The following MCU variants were observed in gnomAD, a reference collection of about 807,000 sequenced individuals.
The protein encoded by MCU is calcium uniporter protein, mitochondrial.
In MCU, 12 loss-of-function variants were observed where a neutral mutation model predicts 45.2. That is an observed-to-expected ratio of 0.27 (90% CI 0.17 to 0.43). The LOEUF is 0.43. Ranked by LOEUF, MCU falls within the 20% of genes least tolerant of loss-of-function variation. The pLI is 1.00. For missense variants in MCU, 324 were observed against 436.7 expected (o/e 0.74, Z 2.30); for synonymous variants, 160 against 165.1 (o/e 0.97, Z 0.24).
At chr10:72,751,878 C>T (rs575772617) in intron 1 of MCU, among the ~76,000 whole-genome samples, 7 of 150,994 alleles carry the variant, frequency 4.6e-5, no homozygotes, top group Admixed American at 1.3e-4. Context: ...CTGGCTCTGT[C>T]GCCCAGGCTG....
intron 1 of MCU, among the ~76,000 whole-genome samples, chr10:72,739,722 G>C (rs1843299949): frequency 6.6e-6 from 1 of 151,032 alleles, no homozygotes; most frequent in Non-Finnish European, 1.5e-5. Context: ...TTGAGACCAG[G>C]CTGGCATTCA....
intron 4 of MCU, 130 bp from the exon 5 acceptor site, chr10:72,868,573 C>T: frequency 1.4e-6 from 1 of 691,332 alleles, no homozygotes; most frequent in Non-Finnish European, 2.3e-6. Context: ...AAAAAGAGAG[C>T]TATTACTTTC....
At chr10:72,753,028 C>G (rs1039743160) in intron 1 of MCU, among the ~76,000 whole-genome samples, 6 of 152,094 alleles carry the variant, frequency 3.9e-5, no homozygotes, top group African/African-American at 1.4e-4. Context: ...TTGAGAGGCC[C>G]TAATTTAAAG....
intron 1 of MCU, among the ~76,000 whole-genome samples, chr10:72,732,400 T>C (rs551492653): frequency 6.6e-6 from 1 of 152,334 alleles, no homozygotes; most frequent in African/African-American, 2.4e-5. Context: ...TTTGTGCCCT[T>C]TTCAGTGTCC....
Position 72,724,276 on chromosome 10 carries a change from T to G in MCU, c.150+31975T>G, listed in dbSNP as rs547749502. Among the ~76,000 whole-genome samples, 16 of 152,340 alleles carry G rather than the reference T, an allele frequency of 1.1e-4. No homozygotes were observed. In the South Asian group the frequency reaches 2.3e-3, roughly 22 times the overall value. On this transcript the variant is annotated intron_variant, in intron 1 of 7. Coordinates refer to ENST00000373053, the MANE Select transcript of MCU (RefSeq NM_138357.3). ...CATCTTTGCCAATACAATGTGGTAC[T>G]AAACTTTCTGACTGGTGAAAAAATG...
chr10:72,863,523 A>C (rs1045469421), intron 4 of MCU, among the ~76,000 whole-genome samples: 14 of 152,232 alleles, frequency 9.2e-5, no homozygotes, highest in African/African-American at 3.4e-4. Flanking sequence ...GGTTTGAAAA[A>C]ACTTGCAAAC....
intron 4 of MCU, among the ~76,000 whole-genome samples, chr10:72,867,141 T>C (rs547842719): frequency 2.4e-4 from 37 of 151,372 alleles, no homozygotes; most frequent in Non-Finnish European, 4.9e-4. Context: ...TCTGAATTTT[T>C]TCATTGATTG....
At chr10:72,797,962 T>A (rs1844276987) in intron 1 of MCU, among the ~76,000 whole-genome samples, 1 of 152,196 alleles carries the variant, frequency 6.6e-6, no homozygotes, top group Non-Finnish European at 1.5e-5. Flanking sequence ...GATAGCCCCT[T>A]AATAGCTGTT....
chr10:72,757,972 C>T (rs895360957), intron 1 of MCU, among the ~76,000 whole-genome samples: 7 of 152,146 alleles, frequency 4.6e-5, no homozygotes, highest in Non-Finnish European at 7.3e-5. Flanking sequence ...AATGAATTTT[C>T]CAGAAGTGAC....
chr10:72,826,996 A>C (rs1383633894), intron 1 of MCU, among the ~76,000 whole-genome samples: 1 of 152,194 alleles, frequency 6.6e-6, no homozygotes, highest in Non-Finnish European at 1.5e-5. Context: ...ACTGTGCCTA[A>C]TTTATAAATT....
intron 2 of MCU, among the ~76,000 whole-genome samples, chr10:72,844,744 A>AG (rs1845096034): frequency 6.6e-6 from 1 of 152,200 alleles, no homozygotes; most frequent in African/African-American, 2.4e-5. Flanking sequence ...AATTATCCTT[A>AG]GGAATATAAG....
chr10:72,815,616 A>AT (rs2132808821), intron 1 of MCU, among the ~76,000 whole-genome samples: 1 of 152,308 alleles, frequency 6.6e-6, no homozygotes, highest in East Asian at 1.9e-4. Flanking sequence ...TTAACCCAGG[A>AT]TTTTTTAACC....
At chr10:72,807,582 A>G (rs753962171) in intron 1 of MCU, among the ~76,000 whole-genome samples, 1 of 152,206 alleles carries the variant, frequency 6.6e-6, no homozygotes, top group Admixed American at 6.5e-5. Flanking sequence ...TCGTTGGAAC[A>G]GTGAATCTAA....
chr10:72,764,189 A>G (rs1321445908), intron 1 of MCU, among the ~76,000 whole-genome samples: 1 of 152,178 alleles, frequency 6.6e-6, no homozygotes, highest in Non-Finnish European at 1.5e-5. Context: ...TAAGAAATTA[A>G]GGCATTGTAC....
In MCU at chr10:72,746,889, T is replaced by G. The variant is rs550497117; in HGVS notation, c.150+54588T>G. Among the ~76,000 whole-genome samples the G allele has an allele frequency of 2.9e-4, 44 of 152,348 alleles. 1 individual carries two copies. The South Asian group carries it at 8.3e-3, about 29-fold the overall frequency. On this transcript the variant is annotated intron_variant, in intron 1 of 7. Transcript: ENST00000373053. ...CTCTATCTAGAAGTTTGGTAAACAC[T>G]TAGTGGTAGGTTGCTAGGCATGAAT...
At chr10:72,819,780 C>G (rs930869877) in intron 1 of MCU, among the ~76,000 whole-genome samples, 13 of 119,678 alleles carry the variant, frequency 1.1e-4, no homozygotes, top group Non-Finnish European at 1.6e-4. Flanking sequence ...ATTGACACTT[C>G]ATTCATAAAA....
At chr10:72,838,138 G>A (rs1054378408) in intron 2 of MCU, among the ~76,000 whole-genome samples, 2 of 152,152 alleles carry the variant, frequency 1.3e-5, no homozygotes, top group Admixed American at 1.3e-4. Flanking sequence ...TGGGATTACA[G>A]GTGTGAGCCA....
chr10:72,766,943 A>T (rs1235670839), intron 1 of MCU: 1 of 152,142 alleles, frequency 6.6e-6, no homozygotes, highest in Non-Finnish European at 1.5e-5. Context: ...AATCTTTTTA[A>T]AATCAACTTT....
intron 2 of MCU, 147 bp from the exon 3 acceptor site, chr10:72,859,030 C>T (rs754027275): frequency 9.1e-5 from 61 of 669,514 alleles, no homozygotes; most frequent in Non-Finnish European, 1.3e-4. Flanking sequence ...TAACCTTCAA[C>T]TAAAGCTAAA....
Sources: allele counts gnomAD v4.1 joint callset (sites outside exome capture counted in the v4.1 genomes callset), GRCh38; gene constraint gnomAD v4.1.1; transcripts MANE v1.5; gene names NCBI Gene and HGNC (gene_info 2026-07-23, HGNC 2026-07-21).